Variants in SELENOK observed in about 807,000 individuals in gnomAD.
SELENOK encodes the protein selenoprotein K.
In SELENOK, 11 loss-of-function variants were observed where a neutral mutation model predicts 17.3. The ratio of observed to expected loss-of-function variants is 0.63; its 90% CI spans 0.40 to 1.05. The LOEUF (loss-of-function observed/expected upper bound fraction) is 1.05. SELENOK is among the 50% of genes least tolerant of loss of function. SELENOK has a pLI of 0.00. For synonymous variants in SELENOK, 45 were observed against 35.4 expected (o/e 1.27, Z -0.97); for missense variants, 125 against 113.9 (o/e 1.10, Z -0.44).
intron 2 of SELENOK, 194 bp downstream of exon 2, chr3:53,888,199 A>C: frequency 2.0e-6 from 1 of 507,596 alleles, no homozygotes; most frequent in East Asian, 3.5e-5. Flanking sequence ...ACTAACATAT[A>C]CTCATAATCA....
rs1411122384 is a variant in SELENOK, at chr3:53,884,854, C to T, written c.*704G>A. The T allele has an allele frequency of 2.6e-5, 4 of 152,244 alleles. No homozygotes were observed. Among genetic ancestry groups the T allele is most frequent in the Admixed American group, 6.5e-5 (1 of 15,286 alleles). The allele number at this position is 152,244 out of a possible 1,614,324, so 9.4% of individuals were successfully genotyped here. ...TCATGCTGCAGGCTGGTCTCAAACTCGTGAACTTAGGCGATCTGCCCGCCT... is the reference window on the plus strand; with the variant it reads ...TCATGCTGCAGGCTGGTCTCAAACTTGTGAACTTAGGCGATCTGCCCGCCT... On this transcript the variant is annotated 3_prime_UTR_variant, in exon 5 of 5. Transcript: ENST00000495461.
At chr3:53,886,039 A>G (rs893493837) in intron 3 of SELENOK, 127 bp from the exon 4 acceptor site, 34 of 620,878 alleles carry the variant, frequency 5.5e-5, no homozygotes, top group Admixed American at 4.9e-4. Flanking sequence ...AATTTAAAAT[A>G]GAAACTACCA....
Position 53,885,463 on chromosome 3 carries a change from C to T in SELENOK, c.*95G>A, listed in dbSNP as rs1186090677. ...CAGTCCTTGTTTAGACATACACATT[C>T]ATCTACTGCTCATCATGGTCAGCCT... On this transcript the variant is annotated 3_prime_UTR_variant, in exon 5 of 5. Coordinates refer to ENST00000495461, the MANE Select transcript of SELENOK (RefSeq NM_021237.5). The T allele has an allele frequency of 8.3e-7, 1 of 1,204,588 alleles. No homozygotes were observed. The highest frequency in any genetic ancestry group is 1.2e-6 in the Non-Finnish European group (1 of 829,096). The allele number at this position is 1,204,588 out of a possible 1,614,324, so 74.6% of individuals were successfully genotyped here.
Position 53,885,451 on chromosome 3 carries a change from G to T in SELENOK, c.*107C>A. The T allele has an allele frequency of 9.2e-7, 1 of 1,081,242 alleles. No homozygotes were observed. Among genetic ancestry groups the T allele is most frequent in the Non-Finnish European group, 1.4e-6 (1 of 724,092 alleles). 67.0% of individuals were successfully genotyped at this position (1,081,242 alleles called of 1,614,324 possible). A position where few individuals can be genotyped will look rare whatever the true frequency, so the allele number is the denominator to read the frequency against. On this transcript the variant is annotated 3_prime_UTR_variant, in exon 5 of 5. Coordinates refer to ENST00000495461, the MANE Select transcript of SELENOK (RefSeq NM_021237.5). ...GAGGACACAGAGCAGTCCTTGTTTA[G>T]ACATACACATTCATCTACTGCTCAT...
chr3:53,887,473 G>T (rs1700135748), intron 2 of SELENOK, among the ~76,000 whole-genome samples: 1 of 152,122 alleles, frequency 6.6e-6, no homozygotes, highest in Non-Finnish European at 1.5e-5. Context: ...GTAACTTAGG[G>T]CCTCTCTTGT....
chr3:53,888,459 T>A lies in SELENOK; in HGVS notation c.44A>T (p.Gln15Leu). 3 of 1,611,464 alleles carry A rather than the reference T, an allele frequency of 1.9e-6. No individual in the cohort carries two copies. The highest frequency in any genetic ancestry group is 2.5e-6 in the Non-Finnish European group (3 of 1,179,232). ...TATCAAAGATAATCTCCATGGAGAC[T>A]GACTCCGGCTGTCCAACACTTGTCC... is the stretch of plus-strand genomic sequence containing the variant. ...SNGQVLDSRS[Q>L]SPWRLSLITD... The change falls in exon 2 of 5, where the codon CAG becomes CTG. Residue 15 changes from glutamine (Q) to leucine (L), a missense_variant. Physicochemically the swap from Gln to Leu is moderately radical, Grantham distance 113. Coordinates refer to ENST00000495461, the MANE Select transcript of SELENOK (RefSeq NM_021237.5).
chr3:53,891,586 G>T (rs1287906762), intron 1 of SELENOK, among the ~76,000 whole-genome samples, 184 bp downstream of exon 1: 4 of 152,202 alleles, frequency 2.6e-5, no homozygotes, highest in African/African-American at 4.8e-5. Context: ...CCCGACTGCC[G>T]GCTCAGAGAC....
Position 53,885,892 on chromosome 3 carries a change from C to T in SELENOK, c.215G>A (p.Arg72Gln), listed in dbSNP as rs575306507. Reference protein sequence around the residue: ...DGRGPPGNPPRRMGRINHLRG... With the variant: ...DGRGPPGNPPQRMGRINHLRG... ...CAGATGATTGATTCTACCCATTCTT[C>T]GGGGAGGGTTTCCTGGTGGCCTAAT... Residue 72 changes from arginine (R) to glutamine (Q), a missense_variant, in exon 4 of 5, where the codon CGA (arginine) becomes CAA (glutamine). By Grantham distance (43) the Arg-to-Gln change is conservative. Transcript: ENST00000495461. 4.8e-5 allele frequency: 75 copies of T among 1,546,956 alleles called. No individual in the cohort carries two copies. In the Middle Eastern group the frequency reaches 2.3e-3, roughly 47 times the overall value.
At chr3:53,891,596 C>A (rs1700169489) in intron 1 of SELENOK, among the ~76,000 whole-genome samples, 174 bp downstream of exon 1, 1 of 152,208 alleles carries the variant, frequency 6.6e-6, no homozygotes, top group Admixed American at 6.5e-5. Context: ...GGCTCAGAGA[C>A]CATCGGCTGA....
At chr3:53,887,698 T>G (rs1254000421) in intron 2 of SELENOK, among the ~76,000 whole-genome samples, 1 of 152,222 alleles carries the variant, frequency 6.6e-6, no homozygotes, top group African/African-American at 2.4e-5. Context: ...CTCCCAGTCA[T>G]GCCCACCCTT....
chr3:53,887,336 C>T (rs1213371615), intron 2 of SELENOK, among the ~76,000 whole-genome samples: 1 of 152,054 alleles, frequency 6.6e-6, no homozygotes, highest in Non-Finnish European at 1.5e-5. Context: ...TTCTGGGAAT[C>T]CATTGAAATG....
Position 53,885,129 on chromosome 3 carries a change from C to G in SELENOK, c.*429G>C, listed in dbSNP as rs571618361. 6.5e-6 allele frequency: 1 copy of G among 154,118 alleles called. No homozygotes were observed. Among genetic ancestry groups the G allele is most frequent in the South Asian group, 2.0e-4 (1 of 4,906 alleles). 9.5% of individuals were successfully genotyped at this position (154,118 alleles called of 1,614,324 possible). A position where few individuals can be genotyped will look rare whatever the true frequency, so the allele number is the denominator to read the frequency against. Reference sequence around the variant, plus strand: ...GCTATGCATACTACTAAAATAAATACAGTGATTTATAAATGAGAAAAAGTT... The same window carrying G: ...GCTATGCATACTACTAAAATAAATAGAGTGATTTATAAATGAGAAAAAGTT... On this transcript the variant is annotated 3_prime_UTR_variant, in exon 5 of 5. Transcript: ENST00000495461.
At chr3:53,891,642 G>T in intron 1 of SELENOK, 128 bp downstream of exon 1, 1 of 1,283,880 alleles carries the variant, frequency 7.8e-7, no homozygotes, top group Non-Finnish European at 1.1e-6. Context: ...GTCCAGCTCC[G>T]CCCGGCCGCG....
At position 53,885,384 on chromosome 3, in the gene SELENOK, T is replaced by C; in HGVS notation, c.*174A>G. On this transcript the variant is annotated 3_prime_UTR_variant, in exon 5 of 5. Coordinates refer to ENST00000495461, the MANE Select transcript of SELENOK (RefSeq NM_021237.5). ...TGGAACTGCATGTCAGTCAGGCCAG[T>C]TCCCTGCAGAGGGAATTCCCAGCAT... 1.6e-6 allele frequency: 1 copy of C among 622,790 alleles called. No homozygotes were observed. The highest frequency in any genetic ancestry group is 2.8e-6 in the Non-Finnish European group (1 of 356,790). 38.6% of individuals were successfully genotyped at this position (622,790 alleles called of 1,614,324 possible). A position where few individuals can be genotyped will look rare whatever the true frequency, so the allele number is the denominator to read the frequency against.
chr3:53,891,855 T>C lies in SELENOK; in HGVS notation c.-67A>G. 1 of 1,560,542 alleles carries C rather than the reference T, an allele frequency of 6.4e-7. No homozygotes were observed. The highest frequency in any genetic ancestry group is 2.2e-5 in the East Asian group (1 of 44,486). On this transcript the variant is annotated 5_prime_UTR_variant, in exon 1 of 5. Transcript: ENST00000495461. Reference sequence around the variant, plus strand: ...CCCTGTCGGTTTCTGTATCTCCCTCTGCTCCCCGCCCTTCGAGCGTCACAG... The same window carrying C: ...CCCTGTCGGTTTCTGTATCTCCCTCCGCTCCCCGCCCTTCGAGCGTCACAG...
At chr3:53,886,187 A>T (rs1457911189) in intron 3 of SELENOK, among the ~76,000 whole-genome samples, 1 of 152,138 alleles carries the variant, frequency 6.6e-6, no homozygotes, top group African/African-American at 2.4e-5. Flanking sequence ...GCTCCAGCTG[A>T]TTTTTGCCAG....
intron 3 of SELENOK, 69 bp from the exon 4 acceptor site, chr3:53,885,981 C>G: frequency 9.9e-7 from 1 of 1,007,050 alleles, no homozygotes; most frequent in Non-Finnish European, 1.4e-6. Flanking sequence ...TTTAAAAGCA[C>G]TCAACTAGAC....
At chr3:53,891,748 C>T (rs2276847) in intron 1 of SELENOK, 22 bp downstream of exon 1, 110,482 of 1,613,410 alleles carry the variant, frequency 0.068, 5,325 homozygotes, top group East Asian at 0.2. Flanking sequence ...CCGGTCGAAG[C>T]CACAGCCCGC....
chr3:53,888,218 CT>C (rs1700140500), intron 2 of SELENOK, 174 bp downstream of exon 2: 1 of 554,440 alleles, frequency 1.8e-6, no homozygotes, highest in South Asian at 2.2e-5. Flanking sequence ...CATAAGCTAT[CT>C]GGTGGTAGCA....
Sources: allele counts gnomAD v4.1 joint callset (sites outside exome capture counted in the v4.1 genomes callset), GRCh38; gene constraint gnomAD v4.1.1; transcripts MANE v1.5; gene names NCBI Gene and HGNC (gene_info 2026-07-23, HGNC 2026-07-21).